Variants in RERG observed in about 807,000 individuals in gnomAD.
RERG encodes the protein ras-related and estrogen-regulated growth inhibitor.
Under a neutral mutation model 23.2 loss-of-function variants are expected in RERG, and 25 were observed. That is an observed-to-expected ratio of 1.08 (90% CI 0.79 to 1.50). The LOEUF (loss-of-function observed/expected upper bound fraction) is 1.50, where lower values mean the gene tolerates loss of function less well. RERG is among the 40% of genes most tolerant of loss of function. The pLI, the probability that RERG is intolerant of heterozygous loss-of-function variation, is 0.00. For missense variants in RERG, 253 were observed against 250.1 expected, an observed-to-expected ratio of 1.01 and a Z score of -0.08; for synonymous variants, 81 against 89.1, an observed-to-expected ratio of 0.91 and a Z score of 0.51.
chr12:15,164,574 C>G (rs937573992), intron 2 of RERG, among the ~76,000 whole-genome samples: 1 of 152,200 alleles, frequency 6.6e-6, no homozygotes. Flanking sequence ...TGTGTTTCCA[C>G]CCACCCATTG....
intron 2 of RERG, among the ~76,000 whole-genome samples, chr12:15,163,877 C>T (rs1864648739): frequency 6.6e-6 from 1 of 151,984 alleles, no homozygotes; most frequent in African/African-American, 2.4e-5. Flanking sequence ...GGAATGGAAA[C>T]ATCACAGGAA....
intron 2 of RERG, among the ~76,000 whole-genome samples, chr12:15,128,741 T>C (rs930548626): frequency 2.0e-5 from 3 of 152,188 alleles, no homozygotes; most frequent in Admixed American, 6.5e-5. Flanking sequence ...GTCAGCCTTA[T>C]AATGGTTTGT....
intron 2 of RERG, among the ~76,000 whole-genome samples, chr12:15,159,365 T>A (rs993049506): frequency 1.3e-5 from 2 of 152,236 alleles, no homozygotes; most frequent in African/African-American, 4.8e-5. Context: ...CAGAAATACC[T>A]TTTTCGTTCT....
At chr12:15,218,237 A>G (rs1292356472) in intron 1 of RERG, among the ~76,000 whole-genome samples, 1 of 152,204 alleles carries the variant, frequency 6.6e-6, no homozygotes, top group East Asian at 1.9e-4. Flanking sequence ...GCCATGCTCC[A>G]AGTTATTCCT....
At chr12:15,130,093 A>G (rs1259227346) in intron 2 of RERG, among the ~76,000 whole-genome samples, 1 of 152,242 alleles carries the variant, frequency 6.6e-6, no homozygotes, top group Non-Finnish European at 1.5e-5. Context: ...ATTGCCATCC[A>G]TCCATTCATC....
intron 2 of RERG, among the ~76,000 whole-genome samples, chr12:15,148,930 G>A (rs149086808): frequency 0.035 from 4,284 of 124,136 alleles, 251 homozygotes; most frequent in African/African-American, 0.077. Flanking sequence ...CTGCAGTGGC[G>A]CCGTCTCGGC....
intron 2 of RERG, among the ~76,000 whole-genome samples, chr12:15,140,532 G>A (rs1864220288): frequency 6.7e-6 from 1 of 148,150 alleles, no homozygotes; most frequent in Non-Finnish European, 1.5e-5. Flanking sequence ...CTGAGTTTCT[G>A]GCCTATGTAA....
At chr12:15,161,056 A>G (rs2136113175) in intron 2 of RERG, among the ~76,000 whole-genome samples, 1 of 151,788 alleles carries the variant, frequency 6.6e-6, no homozygotes, top group Middle Eastern at 3.4e-3. Context: ...AATTGCTTGA[A>G]CCCAGGAGGC....
At chr12:15,197,384 T>G (rs1865159299) in intron 2 of RERG, among the ~76,000 whole-genome samples, 1 of 152,194 alleles carries the variant, frequency 6.6e-6, no homozygotes, top group Non-Finnish European at 1.5e-5. Flanking sequence ...TTCCTAAGAC[T>G]GAGCTATTCT....
intron 2 of RERG, among the ~76,000 whole-genome samples, chr12:15,212,100 C>T (rs1024248120): frequency 3.0e-5 from 4 of 132,686 alleles, no homozygotes; most frequent in Non-Finnish European, 6.4e-5. Flanking sequence ...TCGCCCAGGC[C>T]GGACTGCGGA....
chr12:15,212,529 T>C (rs1865382799), intron 2 of RERG, among the ~76,000 whole-genome samples: 1 of 152,176 alleles, frequency 6.6e-6, no homozygotes. Context: ...TATGAGATGC[T>C]TACACATCCC....
chr12:15,126,122 A>C (rs1330502378), intron 2 of RERG, among the ~76,000 whole-genome samples: 1 of 46,440 alleles, frequency 2.2e-5, no homozygotes, highest in Non-Finnish European at 4.6e-5. Context: ...AGAATGTTGT[A>C]TATACCATAT....
chr12:15,203,441 T>C (rs1322980670), intron 2 of RERG, among the ~76,000 whole-genome samples: 1 of 151,654 alleles, frequency 6.6e-6, no homozygotes, highest in Non-Finnish European at 1.5e-5. Context: ...TAATACTCCA[T>C]ATGGCAAATC....
chr12:15,184,986 G>A (rs1458108578), intron 2 of RERG, among the ~76,000 whole-genome samples: 1 of 152,076 alleles, frequency 6.6e-6, no homozygotes, highest in South Asian at 2.1e-4. Flanking sequence ...TTTGTCAAAC[G>A]CAGACTAAGC....
chr12:15,127,333 A>G (rs1180616941), intron 2 of RERG, among the ~76,000 whole-genome samples: 1 of 152,242 alleles, frequency 6.6e-6, no homozygotes, highest in Admixed American at 6.5e-5. Flanking sequence ...TCTTTAAGCT[A>G]TGTGGCTCCA....
intron 2 of RERG, among the ~76,000 whole-genome samples, chr12:15,161,219 A>AAAGAAAGAAAGAAAGAAAGG (rs1864609401): frequency 8.0e-6 from 1 of 125,088 alleles, no homozygotes; most frequent in African/African-American, 2.7e-5. Context: ...AGAAAGAAAG[A>AAAGAAAGAAAGAAAGAAAGG]AAGAAAGAAA....
At chr12:15,169,223 G>T (rs988580229) in intron 2 of RERG, among the ~76,000 whole-genome samples, 2 of 152,148 alleles carry the variant, frequency 1.3e-5, no homozygotes, top group Admixed American at 6.5e-5. Flanking sequence ...ACTATACAGG[G>T]GTGTGATGGT....
intron 2 of RERG, among the ~76,000 whole-genome samples, chr12:15,168,400 G>A (rs1368923022): frequency 6.6e-6 from 1 of 152,132 alleles, no homozygotes; most frequent in Non-Finnish European, 1.5e-5. Context: ...GAAACCCTTT[G>A]ACTCCCCAGA....
At chr12:15,192,404 C>G (rs949589448) in intron 2 of RERG, among the ~76,000 whole-genome samples, 4 of 152,048 alleles carry the variant, frequency 2.6e-5, no homozygotes, top group Admixed American at 6.6e-5. Context: ...CAATAATAGC[C>G]TAACACAACA....
Sources: gnomAD v4.1 joint callset for allele counts (sites outside exome capture counted in the v4.1 genomes callset) on GRCh38, gnomAD v4.1.1 for gene constraint, MANE v1.5 for transcripts, NCBI Gene and HGNC (gene_info 2026-07-23, HGNC 2026-07-21) for gene names.